Variants in SBNO1 observed in about 807,000 individuals in gnomAD.
The protein encoded by SBNO1 is protein strawberry notch homolog 1.
SBNO1 carries 23 observed loss-of-function variants against 173.6 expected under a neutral mutation model. That is an observed-to-expected ratio of 0.13 (90% CI 0.10 to 0.19). The LOEUF (loss-of-function observed/expected upper bound fraction) is 0.19, where lower values mean the gene tolerates loss of function less well. SBNO1 is among the 10% of genes least tolerant of loss of function. The pLI is 1.00. For synonymous variants in SBNO1, 632 were observed against 571.5 expected (o/e 1.11, Z -1.51); for missense variants, 1,238 against 1,671.2 (o/e 0.74, Z 4.52).
intron 2 of SBNO1, among the ~76,000 whole-genome samples, chr12:123,348,626 T>C (rs1171566576): frequency 6.6e-6 from 1 of 151,490 alleles, no homozygotes; most frequent in Non-Finnish European, 1.5e-5. Flanking sequence ...ATTCACCGAG[T>C]GTGGTGGTGG....
chr12:123,323,241 T>C (rs2138975589), intron 16 of SBNO1, among the ~76,000 whole-genome samples: 1 of 152,366 alleles, frequency 6.6e-6, no homozygotes, highest in Non-Finnish European at 1.5e-5. Flanking sequence ...CAAGTGACAG[T>C]GAAAATTTGG....
chr12:123,303,424 T>C (rs2048841678), intron 29 of SBNO1, among the ~76,000 whole-genome samples: 1 of 152,034 alleles, frequency 6.6e-6, no homozygotes, highest in Non-Finnish European at 1.5e-5. Flanking sequence ...GGCGGGTGGA[T>C]CACTTAAGGC....
At position 123,364,788 on chromosome 12, in the gene SBNO1, G is replaced by GGCGGCGGCAGCA. The variant is rs1555253773; in HGVS notation, c.-100_-89dup. 5 of 987,502 alleles carry GGCGGCGGCAGCA rather than the reference G, an allele frequency of 5.1e-6. No homozygotes were observed. Among genetic ancestry groups the GGCGGCGGCAGCA allele is most frequent in the Admixed American group, 6.2e-5 (1 of 16,072 alleles). 61.2% of individuals were successfully genotyped at this position (987,502 alleles called of 1,614,324 possible). ...AGGCGACTGGAGCGGAGGCGGCGGT[G>GGCGGCGGCAGCA]GCGGCGGCAGCAGCGGCGTCCTGCT... On this transcript the variant is annotated 5_prime_UTR_variant, in exon 1 of 32. Coordinates refer to ENST00000602398, the MANE Select transcript of SBNO1 (RefSeq NM_001167856.3).
rs1306669083 is a variant in SBNO1 at position 123,364,704 on chromosome 12, C to A, written c.-4G>T. The A allele has an allele frequency of 2.5e-5, 25 of 983,640 alleles. No homozygotes were observed. The highest frequency in any genetic ancestry group is 2.8e-5 in the Non-Finnish European group (23 of 828,600). The allele number at this position is 983,640 out of a possible 1,614,324, so 60.9% of individuals were successfully genotyped here. ...AAGGGCCAAGGGAAGGACTTACTTT[C>A]CCCGCGGGACCCGGCGCCAGCACAG... On this transcript the variant is annotated 5_prime_UTR_variant, in exon 1 of 32. Coordinates refer to ENST00000602398, the MANE Select transcript of SBNO1 (RefSeq NM_001167856.3).
rs1482049196 is a variant in SBNO1 at position 123,313,211 on chromosome 12, A to AAT, written c.3220+407_3220+408dup. Among the ~76,000 whole-genome samples, 4 of 130,274 alleles carry AAT rather than the reference A, an allele frequency of 3.1e-5. No homozygotes were observed. The South Asian group carries it at 7.1e-4, about 23-fold the overall frequency. The allele number at this position is 130,274 out of a possible 152,430, so 85.5% of individuals were successfully genotyped here. ...GCAAGACTCGGTCTTAAAATAAATA[A>AAT]ATAAATAAATAAATAAATAAATAAA... On this transcript the variant is annotated intron_variant, in intron 24 of 31. Transcript: ENST00000602398.
At position 123,289,739 on chromosome 12, in the gene SBNO1, TG is replaced by T. The variant is rs1566013160; in HGVS notation, c.*6168del. ...TAGTTTGCAAATTCAGTATAAACCA[TG>T]AACAGGATATTTTTCTGATAGCGGT... is the stretch of plus-strand genomic sequence containing the variant. On this transcript the variant is annotated 3_prime_UTR_variant, in exon 32 of 32. Transcript: ENST00000602398. The T allele has an allele frequency of 6.6e-6, 1 of 152,224 alleles. No individual in the cohort carries two copies. Among genetic ancestry groups the T allele is most frequent in the African/African-American group, 2.4e-5 (1 of 41,466 alleles). 9.4% of individuals were successfully genotyped at this position (152,224 alleles called of 1,614,324 possible).
chr12:123,337,873 T>G (rs1187129144), intron 5 of SBNO1, among the ~76,000 whole-genome samples: 1 of 152,200 alleles, frequency 6.6e-6, no homozygotes, highest in Non-Finnish European at 1.5e-5. Flanking sequence ...CTCCATCCTT[T>G]ATTCTCCTAC....
At position 123,321,691 on chromosome 12, in the gene SBNO1, C is replaced by G. The variant is rs766102842; in HGVS notation, c.2167G>C (p.Gly723Arg). 19 of 1,613,994 alleles carry G rather than the reference C, an allele frequency of 1.2e-5. No homozygotes were observed. The highest frequency in any genetic ancestry group is 1.7e-5 in the Admixed American group (1 of 59,978). ...TREAKKARKV[G>R]GLTGSSSDDS... ...TCAGAACTGCTACCAGTAAGGCCAC[C>G]TACTTTTCGTGCTTTTTTGGCTTCT... The change falls in exon 17 of 32, where the codon GGT (glycine) becomes CGT (arginine). Residue 723 changes from glycine to arginine, a missense_variant. Physicochemically the swap from Gly to Arg is moderately radical, Grantham distance 125. This residue lies in a region of SBNO1 where 81 missense variants were observed against 82.6 expected (regional missense o/e 0.98). Transcript: ENST00000602398.
intron 3 of SBNO1, among the ~76,000 whole-genome samples, chr12:123,346,256 A>G (rs899718293): frequency 6.6e-6 from 1 of 152,168 alleles, no homozygotes; most frequent in Non-Finnish European, 1.5e-5. Flanking sequence ...AATCTCCCCA[A>G]AAGACTAGTA....
intron 1 of SBNO1, among the ~76,000 whole-genome samples, chr12:123,361,878 C>T (rs1403196420): frequency 6.6e-6 from 1 of 152,074 alleles, no homozygotes; most frequent in African/African-American, 2.4e-5. Context: ...CGGTGGCTCA[C>T]GCCTGTAATC....
At chr12:123,298,370 G>C (rs1004207845) in intron 30 of SBNO1, among the ~76,000 whole-genome samples, 199 bp from the exon 31 acceptor site, 3 of 152,084 alleles carry the variant, frequency 2.0e-5, no homozygotes, top group African/African-American at 7.2e-5. Context: ...AGGGTCAAGT[G>C]ATTCTCCTGC....
chr12:123,331,175 G>T, intron 8 of SBNO1, 67 bp downstream of exon 8: 1 of 1,507,656 alleles, frequency 6.6e-7, no homozygotes, highest in Non-Finnish European at 9.2e-7. Context: ...TGTTAGCCAG[G>T]ATGGTCTCGA....
intron 16 of SBNO1, among the ~76,000 whole-genome samples, chr12:123,323,458 C>A (rs991115528): frequency 6.6e-6 from 1 of 152,044 alleles, no homozygotes; most frequent in Non-Finnish European, 1.5e-5. Flanking sequence ...GGGTTCACGA[C>A]ATTCTCCTGC....
Position 123,313,612 on chromosome 12 carries a change from G to C in SBNO1, c.3220+8C>G, listed in dbSNP as rs781635250. On this transcript the variant is annotated splice_region_variant and intron_variant, in intron 24 of 31. Coordinates refer to ENST00000602398, the MANE Select transcript of SBNO1 (RefSeq NM_001167856.3). ...ATTGTCATTGTTATGAATATTTGTA[G>C]AAGTTACCTTTAAAAAATTCTCCAG... The C allele has an allele frequency of 7.3e-7, 1 of 1,376,108 alleles. No homozygotes were observed. Among genetic ancestry groups the C allele is most frequent in the Non-Finnish European group, 1.0e-6 (1 of 969,366 alleles). 85.2% of individuals were successfully genotyped at this position (1,376,108 alleles called of 1,614,324 possible).
intron 1 of SBNO1, among the ~76,000 whole-genome samples, chr12:123,351,825 T>C (rs903345111): frequency 2.0e-5 from 3 of 152,090 alleles, no homozygotes; most frequent in African/African-American, 7.2e-5. Flanking sequence ...CACATTTAGC[T>C]TAAATACAAA....
At position 123,309,483 on chromosome 12, in the gene SBNO1, A is replaced by T. The variant is rs1377045540; in HGVS notation, c.3537+6T>A. On this transcript the variant is annotated splice_donor_region_variant and intron_variant, in intron 27 of 31. Transcript: ENST00000602398. ...GACGATACTTCACAACATTTTCTAA[A>T]CTTACTGTGTATAATTCTACGTGGC... The T allele has an allele frequency of 7.5e-6, 12 of 1,609,862 alleles. No homozygotes were observed. The highest frequency in any genetic ancestry group is 9.4e-6 in the Non-Finnish European group (11 of 1,176,252).
rs75615259 is a variant in SBNO1 at position 123,309,460 on chromosome 12, C to T, written c.3537+29G>A. The T allele has an allele frequency of 1.0e-4, 166 of 1,598,120 alleles. No homozygotes were observed. The African/African-American group carries it at 2.0e-3, about 19-fold the overall frequency. ...TCTGTAAATGCATCTCATGGGAAGACGATACTTCACAACATTTTCTAAACT... is the reference window on the plus strand; with the variant it reads ...TCTGTAAATGCATCTCATGGGAAGATGATACTTCACAACATTTTCTAAACT... On this transcript the variant is annotated intron_variant, in intron 27 of 31. Coordinates refer to ENST00000602398, the MANE Select transcript of SBNO1 (RefSeq NM_001167856.3).
chr12:123,336,813 C>A (rs1414436316), intron 5 of SBNO1, among the ~76,000 whole-genome samples: 1 of 152,178 alleles, frequency 6.6e-6, no homozygotes, highest in African/African-American at 2.4e-5. Context: ...ACTCTCTCTG[C>A]ACTCAGACTT....
At chr12:123,333,426 T>C (rs748037353) in intron 7 of SBNO1, among the ~76,000 whole-genome samples, 4 of 152,170 alleles carry the variant, frequency 2.6e-5, no homozygotes, top group Non-Finnish European at 5.9e-5. Context: ...AATATCATTC[T>C]GCATATGTTC....
Sources: gnomAD v4.1 joint callset for allele counts (sites outside exome capture counted in the v4.1 genomes callset) on GRCh38, gnomAD v4.1.1 for gene constraint, gnomAD v4.1.1 regional missense constraint, MANE v1.5 for transcripts, NCBI Gene and HGNC (gene_info 2026-07-23, HGNC 2026-07-21) for gene names.